The following FRMD4A variants were observed in gnomAD, a reference collection of about 807,000 sequenced individuals.
FRMD4A encodes FERM domain containing 4A, also known as FERM domain-containing protein 4A.
Under a neutral mutation model 129.1 loss-of-function variants are expected in FRMD4A, and 29 were observed. That is an observed-to-expected ratio of 0.22 (90% CI 0.17 to 0.31). The LOEUF is 0.31. FRMD4A is among the 10% of genes least tolerant of loss of function. The probability of loss-of-function intolerance (pLI) is 1.00; values close to 1 mark genes in which losing one functional copy is unlikely to be tolerated. For synonymous variants in FRMD4A, 634 were observed against 571.6 expected (o/e 1.11, Z -1.56); for missense variants, 1,272 against 1,375.8 (o/e 0.92, Z 1.19).
intron 2 of FRMD4A, among the ~76,000 whole-genome samples, chr10:14,144,365 G>A (rs1025572837): frequency 2.6e-5 from 4 of 152,156 alleles, no homozygotes; most frequent in East Asian, 1.9e-4. Context: ...AGGAATCTAC[G>A]CATCCGAAGA....
intron 2 of FRMD4A, among the ~76,000 whole-genome samples, chr10:14,280,192 G>C (rs1181947129): frequency 6.6e-6 from 1 of 152,210 alleles, no homozygotes; most frequent in Non-Finnish European, 1.5e-5. Flanking sequence ...AAAGCGGATG[G>C]GGGCAGAGTG....
chr10:14,147,571 G>C (rs968045103), intron 2 of FRMD4A, among the ~76,000 whole-genome samples: 4 of 152,104 alleles, frequency 2.6e-5, no homozygotes, highest in African/African-American at 9.7e-5. Context: ...ATCTGGGGGT[G>C]ATGGGAAACA....
At chr10:13,750,556 G>T (rs926224936) in intron 8 of FRMD4A, among the ~76,000 whole-genome samples, 3 of 152,190 alleles carry the variant, frequency 2.0e-5, no homozygotes, top group African/African-American at 7.2e-5. Flanking sequence ...GACTGGCTTT[G>T]GGGGAGGCCG....
Position 13,908,164 on chromosome 10 carries a change from TAAAAAAAAAAA to T in FRMD4A, c.46-49263_46-49253del, listed in dbSNP as rs58370207. Among the ~76,000 whole-genome samples, 46 of 41,120 alleles carry T rather than the reference TAAAAAAAAAAA, an allele frequency of 1.1e-3. No individual in the cohort carries two copies. The Admixed American group carries it at 0.018, about 16-fold the overall frequency. 27.0% of individuals were successfully genotyped at this position (41,120 alleles called of 152,430 possible). A position where few individuals can be genotyped will look rare whatever the true frequency, so the allele number is the denominator to read the frequency against. On this transcript the variant is annotated intron_variant, in intron 2 of 24. Coordinates refer to ENST00000357447, the MANE Select transcript of FRMD4A (RefSeq NM_018027.5). Reference sequence around the variant, plus strand: ...TGGACAAGAAGACGGAAACTCCATCTAAAAAAAAAAAAAAAAAAAAAAAAAAGGACAGAAAA... The same window carrying T: ...TGGACAAGAAGACGGAAACTCCATCTAAAAAAAAAAAAAAAGGACAGAAAA...
At chr10:14,275,576 C>T (rs1292171272) in intron 2 of FRMD4A, among the ~76,000 whole-genome samples, 2 of 152,210 alleles carry the variant, frequency 1.3e-5, no homozygotes, top group East Asian at 3.8e-4. Flanking sequence ...CCAGTTTACA[C>T]TTTCAGATGG....
At chr10:14,202,131 C>CTG (rs1842655260) in intron 2 of FRMD4A, among the ~76,000 whole-genome samples, 1 of 82,046 alleles carries the variant, frequency 1.2e-5, no homozygotes, top group East Asian at 4.3e-4. Flanking sequence ...GAGCAAGAAT[C>CTG]CGTCTCAAGA....
chr10:14,185,740 A>G (rs1253738716), intron 2 of FRMD4A, among the ~76,000 whole-genome samples: 7 of 152,224 alleles, frequency 4.6e-5, no homozygotes, highest in Non-Finnish European at 4.4e-5. Flanking sequence ...GGATGGCAAC[A>G]GCAGTAGACC....
Position 14,100,112 on chromosome 10 carries a change from T to C in FRMD4A, c.45+229946A>G, listed in dbSNP as rs575337919. ...GCAGTCAGCTCAGCAAACCCAGTTG[T>C]GGTGCCTGGCTGGCTCTGTCCTTTA... On this transcript the variant is annotated intron_variant, in intron 2 of 24. Transcript: ENST00000357447. Among the ~76,000 whole-genome samples, 5 of 152,360 alleles carry C rather than the reference T, an allele frequency of 3.3e-5. No homozygotes were observed. In the South Asian group the frequency reaches 1.0e-3, roughly 32 times the overall value.
intron 3 of FRMD4A, among the ~76,000 whole-genome samples, chr10:13,829,394 G>A (rs115370637): frequency 3.3e-5 from 5 of 152,170 alleles, no homozygotes; most frequent in African/African-American, 7.2e-5. Flanking sequence ...GTGTGGTGCC[G>A]TGTGCCTGTG....
chr10:14,038,183 C>T (rs998798295), intron 2 of FRMD4A, among the ~76,000 whole-genome samples: 6 of 152,078 alleles, frequency 3.9e-5, no homozygotes, highest in African/African-American at 1.4e-4. Context: ...ATTAGCTGGG[C>T]GAGGTGGCGG....
At chr10:14,211,059 G>A (rs1324114856) in intron 2 of FRMD4A, among the ~76,000 whole-genome samples, 1 of 152,068 alleles carries the variant, frequency 6.6e-6, no homozygotes, top group Admixed American at 6.6e-5. Flanking sequence ...TTTATCTTAT[G>A]GGGGAAAGAA....
intron 2 of FRMD4A, among the ~76,000 whole-genome samples, chr10:13,888,226 A>G (rs11258707): frequency 0.44 from 66,569 of 152,036 alleles, 15,438 homozygotes; most frequent in Non-Finnish European, 0.53. Flanking sequence ...ACAAGATCAG[A>G]TTTTTTAGCA....
chr10:14,119,648 G>A (rs1307010410), intron 2 of FRMD4A, among the ~76,000 whole-genome samples: 2 of 152,050 alleles, frequency 1.3e-5, no homozygotes, highest in African/African-American at 4.8e-5. Context: ...AATGAGAGGA[G>A]GTGTCATTGT....
chr10:13,766,473 G>A (rs987166596), intron 6 of FRMD4A, among the ~76,000 whole-genome samples: 2 of 152,184 alleles, frequency 1.3e-5, no homozygotes, highest in Admixed American at 6.5e-5. Context: ...TACAAAATCT[G>A]ATGGAAAGAG....
In FRMD4A at chr10:13,766,635, C is replaced by T. The variant is rs182900675; in HGVS notation, c.385-3955G>A. Among the ~76,000 whole-genome samples the T allele has an allele frequency of 3.3e-5, 5 of 152,224 alleles. No individual in the cohort carries two copies. In the South Asian group the frequency reaches 6.2e-4, roughly 19 times the overall value. On this transcript the variant is annotated intron_variant, in intron 6 of 24. Transcript: ENST00000357447. ...GGGAAGACATCCTGAGAGTCTTTGC[C>T]CAATTCCCCAATGTCACTTGTTCAT...
chr10:13,694,244 TG>T (rs2086004155), intron 14 of FRMD4A, among the ~76,000 whole-genome samples: 1 of 152,256 alleles, frequency 6.6e-6, no homozygotes, highest in Non-Finnish European at 1.5e-5. Context: ...GCTCAAGAGC[TG>T]CATCAATTGA....
chr10:14,000,646 CAAAAAAA>C lies in FRMD4A; in HGVS notation c.46-141741_46-141735del. Among the ~76,000 whole-genome samples, 2 of 43,470 alleles carry C rather than the reference CAAAAAAA, an allele frequency of 4.6e-5. 1 individual carries two copies. The highest frequency in any genetic ancestry group is 1.3e-3 in the East Asian group (2 of 1,534). The allele number at this position is 43,470 out of a possible 152,430, so 28.5% of individuals were successfully genotyped here. ...TGGGTGACAGAGCAAGACGCCACCT[CAAAAAAA>C]AAAAAAAAAAAAAAAGAGAAGAAAG... On this transcript the variant is annotated intron_variant, in intron 2 of 24. Transcript: ENST00000357447.
chr10:13,741,401 C>T (rs960059521), intron 9 of FRMD4A, among the ~76,000 whole-genome samples: 1 of 152,010 alleles, frequency 6.6e-6, no homozygotes, highest in African/African-American at 2.4e-5. Context: ...CAGTGAGCTA[C>T]AATTGCACCA....
intron 2 of FRMD4A, among the ~76,000 whole-genome samples, chr10:14,196,588 T>A (rs1051797944): frequency 2.0e-5 from 3 of 152,238 alleles, no homozygotes; most frequent in African/African-American, 4.8e-5. Context: ...AAACAATACT[T>A]TCTACATAAT....
Sources: allele counts gnomAD v4.1 joint callset (sites outside exome capture counted in the v4.1 genomes callset), GRCh38; gene constraint gnomAD v4.1.1; transcripts MANE v1.5; gene names NCBI Gene and HGNC (gene_info 2026-07-23, HGNC 2026-07-21).